The following DOCK3 variants were observed in gnomAD, a reference collection of about 807,000 sequenced individuals.
DOCK3 encodes the protein dedicator of cytokinesis 3, also known as dedicator of cytokinesis protein 3.
Under a neutral mutation model 265.6 loss-of-function variants are expected in DOCK3, and 60 were observed. The ratio of observed to expected loss-of-function variants is 0.23; its 90% CI spans 0.18 to 0.28. The LOEUF is 0.28. Ranked by LOEUF, DOCK3 falls within the 10% of genes least tolerant of loss-of-function variation. The pLI is 1.00. For synonymous variants in DOCK3, 881 were observed against 938.0 expected, an observed-to-expected ratio of 0.94 and a Z score of 1.11; for missense variants, 1,981 against 2,594.3, an observed-to-expected ratio of 0.76 and a Z score of 5.14.
At chr3:50,836,681 G>A (rs2675784) in intron 2 of DOCK3, among the ~76,000 whole-genome samples, 15,102 of 152,190 alleles carry the variant, frequency 0.099, 931 homozygotes, top group Non-Finnish European at 0.13. Context: ...TCATTGTCTT[G>A]GTGATTAACA....
intron 22 of DOCK3, among the ~76,000 whole-genome samples, chr3:51,252,411 G>A (rs1047038564): frequency 2.6e-5 from 4 of 152,090 alleles, no homozygotes; most frequent in Admixed American, 1.3e-4. Context: ...AGTCATTGGT[G>A]GCTTTATGGG....
chr3:51,242,071 G>A (rs1017003032), intron 21 of DOCK3, among the ~76,000 whole-genome samples: 1 of 152,052 alleles, frequency 6.6e-6, no homozygotes, highest in South Asian at 2.1e-4. Flanking sequence ...CTTCGAGGTT[G>A]CTGTCCTTTG....
intron 25 of DOCK3, 28 bp downstream of exon 25, chr3:51,275,234 G>C (rs765006898): frequency 1.2e-6 from 2 of 1,613,060 alleles, no homozygotes; most frequent in Admixed American, 3.3e-5. Context: ...ACTCCACCCT[G>C]TTCAGCTCTT....
intron 5 of DOCK3, among the ~76,000 whole-genome samples, chr3:50,969,607 G>GC (rs1171044293): frequency 6.6e-6 from 1 of 152,012 alleles, no homozygotes; most frequent in Non-Finnish European, 1.5e-5. Flanking sequence ...TTTTATGATG[G>GC]CAAGTATCAA....
chr3:51,120,069 C>T (rs1011411365), intron 9 of DOCK3, among the ~76,000 whole-genome samples: 23 of 152,080 alleles, frequency 1.5e-4, no homozygotes, highest in African/African-American at 5.1e-4. Context: ...TTTTCAGCCT[C>T]TTTGCACTGG....
At chr3:51,077,387 C>T (rs1178644074) in intron 7 of DOCK3, among the ~76,000 whole-genome samples, 1 of 152,038 alleles carries the variant, frequency 6.6e-6, no homozygotes, top group Non-Finnish European at 1.5e-5. Context: ...GATGCCTTTG[C>T]TTGCTGTGTG....
intron 12 of DOCK3, among the ~76,000 whole-genome samples, chr3:51,169,269 A>G (rs1456101252): frequency 6.6e-6 from 1 of 152,220 alleles, no homozygotes; most frequent in Non-Finnish European, 1.5e-5. Flanking sequence ...TTTTTCTATC[A>G]TAAAGACACA....
At chr3:50,934,349 C>A (rs1003384445) in intron 5 of DOCK3, among the ~76,000 whole-genome samples, 2 of 152,118 alleles carry the variant, frequency 1.3e-5, no homozygotes, top group Non-Finnish European at 2.9e-5. Flanking sequence ...GTTGTGTCCC[C>A]AGATGCTTTA....
At chr3:50,764,066 T>G (rs1002536109) in intron 1 of DOCK3, among the ~76,000 whole-genome samples, 5 of 152,232 alleles carry the variant, frequency 3.3e-5, no homozygotes, top group African/African-American at 1.2e-4. Context: ...GAAATTTACT[T>G]TCGTTGGTTT....
chr3:50,811,075 A>G (rs2043725560), intron 2 of DOCK3, among the ~76,000 whole-genome samples: 1 of 152,198 alleles, frequency 6.6e-6, no homozygotes, highest in Non-Finnish European at 1.5e-5. Flanking sequence ...AATATAAAAG[A>G]TCTCTTACAA....
chr3:51,229,559 A>G lies in DOCK3; in HGVS notation c.1867A>G (p.Met623Val), dbSNP rs2090461197. ...LKWKAFPDRIMDVLGRLRHVS... is the reference protein window; with the variant it reads ...LKWKAFPDRIVDVLGRLRHVS... ...GTGGAAAGCCTTCCCCGACCGGATC[A>G]TGGATGTACTAGGGCGGCTGCGGCA... is the stretch of plus-strand genomic sequence containing the variant. Residue 623 changes from methionine to valine, a missense_variant, in exon 19 of 53, where the codon ATG (methionine) becomes GTG (valine). Around this residue, in one of 4 missense-constraint regions of DOCK3, gnomAD observed 1,357 missense variants for 1,866.8 expected, o/e 0.73. Transcript: ENST00000266037. 2 of 1,609,332 alleles carry G rather than the reference A, an allele frequency of 1.2e-6. No homozygotes were observed. Among genetic ancestry groups the G allele is most frequent in the Non-Finnish European group, 1.7e-6 (2 of 1,177,714 alleles).
chr3:50,754,824 G>A (rs1044279076), intron 1 of DOCK3, among the ~76,000 whole-genome samples: 2 of 152,078 alleles, frequency 1.3e-5, no homozygotes, highest in Non-Finnish European at 2.9e-5. Context: ...CTCCCAAAGT[G>A]CTGAGATTAC....
chr3:51,041,204 A>ATATATT (rs1559978241), intron 5 of DOCK3, among the ~76,000 whole-genome samples: 2 of 14,792 alleles, frequency 1.4e-4, no homozygotes, highest in Non-Finnish European at 2.2e-4. Context: ...ATATATATAT[A>ATATATT]TTTTTTTTTT....
chr3:50,866,490 T>C (rs1020660227), intron 3 of DOCK3, among the ~76,000 whole-genome samples: 7 of 151,966 alleles, frequency 4.6e-5, no homozygotes, highest in South Asian at 2.1e-4. Flanking sequence ...TTTTTTTTTT[T>C]TTTGAGACAA....
intron 14 of DOCK3, among the ~76,000 whole-genome samples, chr3:51,224,446 A>T (rs1416148805): frequency 6.6e-6 from 1 of 152,252 alleles, no homozygotes; most frequent in Non-Finnish European, 1.5e-5. Context: ...AGTGCAAAAA[A>T]GAGAGCATTG....
chr3:50,863,227 G>A (rs1230082825), intron 3 of DOCK3, among the ~76,000 whole-genome samples: 2 of 152,118 alleles, frequency 1.3e-5, no homozygotes, highest in Non-Finnish European at 2.9e-5. Context: ...GGGATCTGGT[G>A]GTGCTGTGAC....
chr3:51,050,725 C>G (rs2080963770), intron 5 of DOCK3, among the ~76,000 whole-genome samples: 1 of 152,146 alleles, frequency 6.6e-6, no homozygotes, highest in Admixed American at 6.5e-5. Context: ...TTATTCTTCT[C>G]AGGCCTTCAG....
intron 2 of DOCK3, among the ~76,000 whole-genome samples, chr3:50,786,028 TTAATC>T (rs2042170126): frequency 6.6e-6 from 1 of 152,114 alleles, no homozygotes; most frequent in Admixed American, 6.5e-5. Flanking sequence ...TCTTCCTGGT[TTAATC>T]TAAGAGTGTC....
Position 50,924,773 on chromosome 3 carries a change from C to T in DOCK3, c.219-9208C>T, listed in dbSNP as rs532729779. On this transcript the variant is annotated intron_variant, in intron 4 of 52. Transcript: ENST00000266037. ...AGGGAAAGTTCATGGAGTTGAGCTC[C>T]TCTATAGCTGCTATTTCTTTCACAG... Among the ~76,000 whole-genome samples, 3 of 152,312 alleles carry T rather than the reference C, an allele frequency of 2.0e-5. No individual in the cohort carries two copies. In the East Asian group the frequency reaches 5.8e-4, roughly 29 times the overall value.
Sources: allele counts gnomAD v4.1 joint callset (sites outside exome capture counted in the v4.1 genomes callset), GRCh38; gene constraint gnomAD v4.1.1; regional missense constraint gnomAD v4.1.1; transcripts MANE v1.5; gene names NCBI Gene and HGNC (gene_info 2026-07-23, HGNC 2026-07-21).